The following OTUD7A variants were observed in gnomAD, a reference collection of about 807,000 sequenced individuals.
OTUD7A encodes the protein OTU deubiquitinase 7A.
OTUD7A carries 12 observed loss-of-function variants against 65.7 expected under a neutral mutation model. The ratio of observed to expected loss-of-function variants is 0.18; its 90% CI spans 0.12 to 0.30. The LOEUF is 0.30. Ranked by LOEUF, OTUD7A falls within the 10% of genes least tolerant of loss-of-function variation. The pLI is 1.00. For synonymous variants in OTUD7A, 641 were observed against 586.3 expected (o/e 1.09, Z -1.35); for missense variants, 1,148 against 1,304.8 (o/e 0.88, Z 1.85).
chr15:31,593,513 T>C (rs568289981), intron 3 of OTUD7A, among the ~76,000 whole-genome samples: 2 of 152,244 alleles, frequency 1.3e-5, no homozygotes, highest in African/African-American at 4.8e-5. Flanking sequence ...GGCCTATGTT[T>C]AAAACAACTG....
intron 3 of OTUD7A, among the ~76,000 whole-genome samples, chr15:31,572,518 T>C (rs1377482242): frequency 6.6e-6 from 1 of 152,252 alleles, no homozygotes; most frequent in Non-Finnish European, 1.5e-5. Context: ...AAAATGTTTA[T>C]GCCTTAAACT....
chr15:31,845,812 A>G (rs933867853), intron 1 of OTUD7A, among the ~76,000 whole-genome samples: 1 of 152,198 alleles, frequency 6.6e-6, no homozygotes. Context: ...TGGAGCACAA[A>G]GCGCTTGGAG....
intron 1 of OTUD7A, among the ~76,000 whole-genome samples, chr15:31,669,120 T>C (rs1892410060): frequency 6.6e-6 from 1 of 152,188 alleles, no homozygotes; most frequent in African/African-American, 2.4e-5. Flanking sequence ...ATTTTTGTGA[T>C]GGTTGGCCAC....
chr15:31,550,103 G>GAAAAAAAA (rs11413883), intron 5 of OTUD7A, among the ~76,000 whole-genome samples: 1 of 127,236 alleles, frequency 7.9e-6, no homozygotes, highest in East Asian at 2.3e-4. Flanking sequence ...CTGTCTCCAG[G>GAAAAAAAA]AAAAAAAAAA....
intron 3 of OTUD7A, among the ~76,000 whole-genome samples, chr15:31,629,276 T>A (rs1431133024): frequency 6.6e-6 from 1 of 152,222 alleles, no homozygotes; most frequent in African/African-American, 2.4e-5. Context: ...AATCAATACC[T>A]AATTTATTGA....
intron 3 of OTUD7A, among the ~76,000 whole-genome samples, chr15:31,626,229 A>T (rs1167533451): frequency 1.3e-5 from 2 of 152,252 alleles, no homozygotes; most frequent in Non-Finnish European, 2.9e-5. Context: ...AGTTAATAAT[A>T]GCCAGGCGGA....
In OTUD7A at chr15:31,537,854, G is replaced by C. The variant is rs145563324; in HGVS notation, c.551-7046C>G. On this transcript the variant is annotated intron_variant, in intron 5 of 12. Coordinates refer to ENST00000307050, the MANE Select transcript of OTUD7A (RefSeq NM_001382637.1). ...TATAGGGAACATGAGTAGACAATCA[G>C]GGAGAGGAGGGACAGGGAATATGCT... 5.0e-3 allele frequency among the ~76,000 whole-genome samples: 761 copies of C among 152,336 alleles called. 5 individuals are homozygous for C. The highest frequency in any genetic ancestry group is 0.01 in the Middle Eastern group (3 of 294).
chr15:31,538,372 A>G (rs1376124443), intron 5 of OTUD7A, among the ~76,000 whole-genome samples: 1 of 152,068 alleles, frequency 6.6e-6, no homozygotes, highest in East Asian at 1.9e-4. Flanking sequence ...GATAATGATG[A>G]CCTCACAGTT....
intron 5 of OTUD7A, among the ~76,000 whole-genome samples, chr15:31,540,262 T>C (rs1887945842): frequency 6.6e-6 from 1 of 152,178 alleles, no homozygotes; most frequent in South Asian, 2.1e-4. Context: ...CGCTAACCAA[T>C]CATCACTCTT....
chr15:31,550,416 A>T (rs1441999956), intron 5 of OTUD7A, among the ~76,000 whole-genome samples: 1 of 152,182 alleles, frequency 6.6e-6, no homozygotes, highest in Non-Finnish European at 1.5e-5. Context: ...CAACCTGTAC[A>T]CATGCATGAG....
At chr15:31,695,776 G>A (rs1893065965) in intron 1 of OTUD7A, among the ~76,000 whole-genome samples, 1 of 151,544 alleles carries the variant, frequency 6.6e-6, no homozygotes, top group African/African-American at 2.4e-5. Context: ...TGCCTCCGGG[G>A]AAAGGGAACT....
Position 31,503,782 on chromosome 15 carries a change from C to G in OTUD7A, c.930G>C (p.Leu310=). The stretch of plus-strand genomic sequence containing the variant: ...CTAGGACAAAAACGTGGAACTCTTC[C>G]AGGCTCTCGTACACGGGGTCCTCAG... ...DNSEDPVYES[L]EEFHVFVLAH... Residue 310 remains leucine, a synonymous_variant, in exon 9 of 13, where the codon CTG becomes CTC. Coordinates refer to ENST00000307050, the MANE Select transcript of OTUD7A (RefSeq NM_001382637.1). 1 of 1,614,210 alleles carries G rather than the reference C, an allele frequency of 6.2e-7. No individual in the cohort carries two copies. The highest frequency in any genetic ancestry group is 8.5e-7 in the Non-Finnish European group (1 of 1,180,020).
At chr15:31,488,052 C>T (rs1362669841) in intron 10 of OTUD7A, among the ~76,000 whole-genome samples, 2 of 152,140 alleles carry the variant, frequency 1.3e-5, no homozygotes, top group African/African-American at 4.8e-5. Flanking sequence ...TGCCTGGGAC[C>T]CATGGACCCA....
chr15:31,687,179 A>G (rs1425822561), intron 1 of OTUD7A, among the ~76,000 whole-genome samples: 1 of 151,888 alleles, frequency 6.6e-6, no homozygotes. Context: ...CAAACCGACA[A>G]CAGACTAGGG....
intron 1 of OTUD7A, among the ~76,000 whole-genome samples, chr15:31,722,030 T>C (rs981469702): frequency 3.9e-5 from 6 of 152,214 alleles, no homozygotes; most frequent in African/African-American, 1.4e-4. Context: ...TGTGTGAACT[T>C]AGACTAAGGG....
intron 3 of OTUD7A, among the ~76,000 whole-genome samples, chr15:31,589,102 T>C (rs369867657): frequency 5.9e-5 from 9 of 152,198 alleles, no homozygotes; most frequent in African/African-American, 2.2e-4. Context: ...TAGTTGCTTC[T>C]ACCTCAAACA....
intron 1 of OTUD7A, among the ~76,000 whole-genome samples, chr15:31,854,994 GAGA>G (rs1897531323): frequency 6.6e-6 from 1 of 152,094 alleles, no homozygotes; most frequent in East Asian, 1.9e-4. Context: ...AAATGAAATG[GAGA>G]AGAATATGAA....
At chr15:31,759,174 C>T (rs753732574) in intron 1 of OTUD7A, among the ~76,000 whole-genome samples, 1 of 152,124 alleles carries the variant, frequency 6.6e-6, no homozygotes, top group African/African-American at 2.4e-5. Flanking sequence ...CTCCAGCACT[C>T]CACGCTCTCT....
chr15:31,698,412 G>A (rs1893133403), intron 1 of OTUD7A, among the ~76,000 whole-genome samples: 1 of 152,150 alleles, frequency 6.6e-6, no homozygotes, highest in South Asian at 2.1e-4. Flanking sequence ...ATGTGGCACT[G>A]ACAAGCCTGA....
Sources: gnomAD v4.1 joint callset for allele counts (sites outside exome capture counted in the v4.1 genomes callset) on GRCh38, gnomAD v4.1.1 for gene constraint, MANE v1.5 for transcripts, NCBI Gene and HGNC (gene_info 2026-07-23, HGNC 2026-07-21) for gene names.